The following HUWE1 variants were observed in gnomAD, a reference collection of about 807,000 sequenced individuals.
HUWE1 encodes HECT, UBA and WWE domain containing E3 ubiquitin protein ligase 1.
A neutral mutation model predicts 299.4 loss-of-function variants in HUWE1; 18 were observed. That is an observed-to-expected ratio of 0.06 (90% CI 0.04 to 0.09). HUWE1 has a LOEUF of 0.09. Among genes scored for constraint, HUWE1 ranks in the 10% least tolerant of loss-of-function variants. The probability of loss-of-function intolerance (pLI) is 1.00; values close to 1 mark genes in which losing one functional copy is unlikely to be tolerated. For missense variants in HUWE1, 1,832 were observed against 3,462.3 expected (o/e 0.53, Z 11.82); for synonymous variants, 1,317 against 1,286.1 (o/e 1.02, Z -0.51).
intron 22 of HUWE1, among the ~76,000 whole-genome samples, 177 bp from the exon 23 acceptor site, chrX:53,614,922 T>C: frequency 9.0e-6 from 1 of 111,387 alleles, no homozygotes; most frequent in South Asian, 3.8e-4. Context: ...AACAAGGGAA[T>C]AGAAGTGCTG....
At chrX:53,535,992 T>A (rs1158228782) in intron 80 of HUWE1, 155 bp downstream of exon 80, 2 of 462,408 alleles carry the variant, frequency 4.3e-6, no homozygotes, top group Non-Finnish European at 7.7e-6. Flanking sequence ...TTTTCCTGTT[T>A]GTGATGTCAC....
chrX:53,602,497 T>C (rs2064918286), intron 28 of HUWE1, 67 bp downstream of exon 28: 1 of 648,774 alleles, frequency 1.5e-6, no homozygotes. Context: ...ATTTTCATAA[T>C]AAACCTATAA....
At chrX:53,591,964 TCTC>T (rs1208530871) in intron 33 of HUWE1, among the ~76,000 whole-genome samples, 16 of 112,236 alleles carry the variant, frequency 1.4e-4, no homozygotes, top group African/African-American at 5.2e-4. Flanking sequence ...GCCTTTCCCC[TCTC>T]CTCTTTCTGG....
In HUWE1 at chrX:53,651,838, C is replaced by G. The variant is rs782097810; in HGVS notation, c.45+2225G>C. On this transcript the variant is annotated intron_variant, in intron 4 of 83. Coordinates refer to ENST00000262854, the MANE Select transcript of HUWE1 (RefSeq NM_031407.7). ...CTGGTAACTATCATTCTACTGCCTACCTTTACACCTTTGACTATTTTAGAT... is the reference window on the plus strand; with the variant it reads ...CTGGTAACTATCATTCTACTGCCTAGCTTTACACCTTTGACTATTTTAGAT... 5.4e-5 allele frequency among the ~76,000 whole-genome samples: 6 copies of G among 111,543 alleles called. No homozygotes were observed. The East Asian group carries it at 1.4e-3, about 26-fold the overall frequency.
chrX:53,570,518 G>A (rs1308631498), intron 47 of HUWE1, among the ~76,000 whole-genome samples: 1 of 111,922 alleles, frequency 8.9e-6, no homozygotes, highest in Non-Finnish European at 1.9e-5. Context: ...ATGTGCCCAG[G>A]ACCCTGTGCT....
chrX:53,631,385 C>T lies in HUWE1; in HGVS notation c.762+29G>A, dbSNP rs781946119. The stretch of plus-strand genomic sequence containing the variant: ...TAATCTATTTAGATAACAACCACAT[C>T]CTGTGGATGTTTTAAAGCCACATCA... On this transcript the variant is annotated intron_variant, in intron 11 of 83. Transcript: ENST00000262854. The T allele has an allele frequency of 2.8e-6, 3 of 1,063,256 alleles. No homozygotes were observed. In the South Asian group the frequency reaches 5.6e-5, roughly 20 times the overall value. 87.6% of individuals were successfully genotyped at this position (1,063,256 alleles called of 1,213,427 possible).
At chrX:53,617,231 T>C (rs985342713) in intron 20 of HUWE1, 84 bp from the exon 21 acceptor site, 48 of 1,020,217 alleles carry the variant, frequency 4.7e-5, no homozygotes, top group African/African-American at 4.6e-4. Flanking sequence ...CAAGCTGAGA[T>C]AGAAGGAATT....
At chrX:53,570,757 A>T (rs1359221877) in intron 47 of HUWE1, among the ~76,000 whole-genome samples, 2 of 112,280 alleles carry the variant, frequency 1.8e-5, no homozygotes, top group African/African-American at 6.5e-5. Flanking sequence ...AATACACTGA[A>T]CATTTTTGGA....
chrX:53,661,379 A>G (rs782320335), intron 3 of HUWE1, among the ~76,000 whole-genome samples: 5 of 111,688 alleles, frequency 4.5e-5, no homozygotes, highest in Non-Finnish European at 7.5e-5. Flanking sequence ...ATATTGGCAG[A>G]TAAGAATAAA....
intron 3 of HUWE1, among the ~76,000 whole-genome samples, chrX:53,668,258 A>G (rs2069345858): frequency 9.1e-6 from 1 of 109,717 alleles, no homozygotes; most frequent in South Asian, 4.0e-4. Flanking sequence ...CCTGGCCAAC[A>G]TGGTGAAACC....
chrX:53,544,068 C>T, intron 72 of HUWE1, 100 bp from the exon 73 acceptor site: 1 of 774,206 alleles, frequency 1.3e-6, no homozygotes, highest in Non-Finnish European at 1.9e-6. Context: ...GGGCATCTTG[C>T]TGAGGTCTTT....
chrX:53,564,539 G>C (rs782028177), intron 51 of HUWE1, 35 bp downstream of exon 51: 43 of 1,202,882 alleles, frequency 3.6e-5, no homozygotes, highest in Non-Finnish European at 4.5e-5. Context: ...GTTCAGCGCC[G>C]CAACAGGGAA....
intron 70 of HUWE1, among the ~76,000 whole-genome samples, chrX:53,545,376 G>C (rs1415918849): frequency 2.7e-5 from 3 of 111,445 alleles, no homozygotes; most frequent in Non-Finnish European, 5.6e-5. Flanking sequence ...GGGATCTGCT[G>C]AATCTGCATG....
chrX:53,611,595 G>A (rs782701937), intron 23 of HUWE1, among the ~76,000 whole-genome samples: 54 of 111,471 alleles, frequency 4.8e-4, no homozygotes, highest in Non-Finnish European at 9.2e-4. Context: ...GGCCAGGTGC[G>A]GCGGTGCACA....
Position 53,534,568 on chromosome X carries a change from T to C in HUWE1, c.12779A>G (p.Asp4260Gly). Residue 4260 changes from aspartate to glycine, a missense_variant, in exon 82 of 84, where the codon GAT becomes GGT. Physicochemically the swap from Asp to Gly is moderately conservative, Grantham distance 94. Coordinates refer to ENST00000262854, the MANE Select transcript of HUWE1 (RefSeq NM_031407.7). ...LISGLPTIDI[D>G]DLKSNTEYHK... Reference sequence around the variant, plus strand: ...GTATTCAGTGTTGGATTTCAGATCATCGATGTCAATGGTGGGCAGTCCTGA... The same window carrying C: ...GTATTCAGTGTTGGATTTCAGATCACCGATGTCAATGGTGGGCAGTCCTGA... 8.3e-7 allele frequency: 1 copy of C among 1,210,450 alleles called. No homozygotes were observed. Among genetic ancestry groups the C allele is most frequent in the Non-Finnish European group, 1.1e-6 (1 of 894,751 alleles).
chrX:53,548,761 A>T (rs781927463), intron 67 of HUWE1, among the ~76,000 whole-genome samples, 198 bp downstream of exon 67: 1 of 112,651 alleles, frequency 8.9e-6, no homozygotes, highest in South Asian at 3.7e-4. Flanking sequence ...TTGATGACTA[A>T]ATAAGACATA....
rs868918010 is a variant in HUWE1, at chrX:53,654,147, C to T, written c.-24-16G>A. On this transcript the variant is annotated splice_polypyrimidine_tract_variant and intron_variant, in intron 3 of 83. Transcript: ENST00000262854. The stretch of plus-strand genomic sequence containing the variant: ...GCTTTACGATCTGAAAAAAGAAAAT[C>T]CCAAAAGAAGTGAGAACTTAAAGCT... 4.9e-6 allele frequency: 5 copies of T among 1,013,546 alleles called. No homozygotes were observed. The highest frequency in any genetic ancestry group is 1.9e-5 in the African/African-American group (1 of 53,117). The allele number at this position is 1,013,546 out of a possible 1,213,427, so 83.5% of individuals were successfully genotyped here.
intron 33 of HUWE1, among the ~76,000 whole-genome samples, 187 bp downstream of exon 33, chrX:53,592,211 G>A (rs2064202048): frequency 8.9e-6 from 1 of 111,734 alleles, no homozygotes; most frequent in South Asian, 3.8e-4. Flanking sequence ...CCTGTGCAGA[G>A]CATCAGGACT....
intron 4 of HUWE1, among the ~76,000 whole-genome samples, chrX:53,651,339 TA>T (rs1557039986): frequency 1.8e-5 from 2 of 108,686 alleles, no homozygotes; most frequent in Non-Finnish European, 1.9e-5. Flanking sequence ...GTGGTAAGAA[TA>T]CTTAACGTGA....
Sources: allele counts gnomAD v4.1 joint callset (sites outside exome capture counted in the v4.1 genomes callset), GRCh38; gene constraint gnomAD v4.1.1; transcripts MANE v1.5; gene names NCBI Gene and HGNC (gene_info 2026-07-23, HGNC 2026-07-21).